The following NR0B2 variants were observed in gnomAD, a reference collection of about 807,000 sequenced individuals.
The protein encoded by NR0B2 is nuclear receptor SHP.
In NR0B2, 17 loss-of-function variants were observed where a neutral mutation model predicts 18.9. The observed-to-expected ratio is 0.90, with a 90% confidence interval of 0.62 to 1.35. The LOEUF is 1.35. Among genes scored for constraint, NR0B2 ranks in the 40% most tolerant of loss-of-function variants. NR0B2 has a pLI of 0.00. For missense variants in NR0B2, 312 were observed against 333.3 expected, an observed-to-expected ratio of 0.94 and a Z score of 0.50; for synonymous variants, 116 against 138.5, an observed-to-expected ratio of 0.84 and a Z score of 1.14.
Position 26,913,590 on chromosome 1 carries a change from T to C in NR0B2, c.351A>G (p.Ile117Met). 1 of 1,614,026 alleles carries C rather than the reference T, an allele frequency of 6.2e-7. No homozygotes were observed. The highest frequency in any genetic ancestry group is 8.5e-7 in the Non-Finnish European group (1 of 1,179,988). ...FEVAEAPVPS[I>M]LKKILLEEPS... ...GCTCCTCCAGCAGAATCTTCTTGAG[T>C]ATGCTGGGCACCGGGGCCTCAGCCA... Residue 117 changes from isoleucine (I) to methionine (M), a missense_variant, in exon 1 of 2, where the codon ATA becomes ATG. By Grantham distance (10) the Ile-to-Met change is conservative. Transcript: ENST00000254227.
Position 26,913,881 on chromosome 1 carries a change from A to G in NR0B2, c.60T>C (p.Ile20=). The change falls in exon 1 of 2, where the codon ATT becomes ATC. Residue 20 remains isoleucine, a synonymous_variant. Transcript: ENST00000254227. ...GGCTGGAGCTCAGAAGTGCGTAGAG[A>G]ATGGCGGGGCGGCTTGCAGCTCCCT... ...PCQGAASRPA[I]LYALLSSSLK... is the part of the protein sequence containing the mutation. The G allele has an allele frequency of 6.7e-7, 1 of 1,489,168 alleles. No individual in the cohort carries two copies. Among genetic ancestry groups the G allele is most frequent in the Non-Finnish European group, 8.9e-7 (1 of 1,117,590 alleles). The allele number at this position is 1,489,168 out of a possible 1,614,324, so 92.2% of individuals were successfully genotyped here. A position where few individuals can be genotyped will look rare whatever the true frequency, so the allele number is the denominator to read the frequency against.
At chr1:26,912,175 G>A (rs1238885567) in intron 1 of NR0B2, 89 bp from the exon 2 acceptor site, 3 of 1,530,222 alleles carry the variant, frequency 2.0e-6, no homozygotes, top group Non-Finnish European at 2.7e-6. Context: ...GGCCATCAGA[G>A]ACACCCCTCT....
rs1440639338 is a variant in NR0B2 at position 26,913,855 on chromosome 1, A to G, written c.86T>C (p.Leu29Pro). 6.6e-7 allele frequency: 1 copy of G among 1,507,604 alleles called. No homozygotes were observed. The allele number at this position is 1,507,604 out of a possible 1,614,324, so 93.4% of individuals were successfully genotyped here. Reference sequence around the variant, plus strand: ...GCTACGGGGTCGGGGGACAGCCTTGAGGCTGGAGCTCAGAAGTGCGTAGAG... The same window carrying G: ...GCTACGGGGTCGGGGGACAGCCTTGGGGCTGGAGCTCAGAAGTGCGTAGAG... ...AILYALLSSS[L>P]KAVPRPRSRC... Residue 29 changes from leucine to proline, a missense_variant, in exon 1 of 2, where the codon CTC (leucine) becomes CCC (proline). Coordinates refer to ENST00000254227, the MANE Select transcript of NR0B2 (RefSeq NM_021969.3).
rs919674908 is a variant in NR0B2 at position 26,911,501 on chromosome 1, T to A, written c.*344A>T. The A allele has an allele frequency of 5.7e-6, 2 of 353,600 alleles. No individual in the cohort carries two copies. The highest frequency in any genetic ancestry group is 1.1e-5 in the Non-Finnish European group (2 of 181,686). 21.9% of individuals were successfully genotyped at this position (353,600 alleles called of 1,614,324 possible). ...TATCAGGCTCCAAGTGTTTCATACCTTTTATTACAAAAATCAATAACTTAA... is the reference window on the plus strand; with the variant it reads ...TATCAGGCTCCAAGTGTTTCATACCATTTATTACAAAAATCAATAACTTAA... On this transcript the variant is annotated 3_prime_UTR_variant, in exon 2 of 2. Transcript: ENST00000254227.
At position 26,912,102 on chromosome 1, in the gene NR0B2, G is replaced by C. The variant is rs548748734; in HGVS notation, c.533-16C>G. The C allele has an allele frequency of 7.4e-6, 12 of 1,612,670 alleles. No homozygotes were observed. The highest frequency in any genetic ancestry group is 1.0e-5 in the Non-Finnish European group (12 of 1,179,976). On this transcript the variant is annotated splice_polypyrimidine_tract_variant and intron_variant, in intron 1 of 1. Coordinates refer to ENST00000254227, the MANE Select transcript of NR0B2 (RefSeq NM_021969.3). ...CCTGGCACATCTGTGGGCAGAGAGG[G>C]AGAAGAGGGCTGGTGAGCACCCTAC...
intron 1 of NR0B2, 25 bp from the exon 2 acceptor site, chr1:26,912,111 GCT>G (rs763281623): frequency 1.2e-6 from 2 of 1,612,126 alleles, no homozygotes; most frequent in Non-Finnish European, 1.7e-6. Flanking sequence ...GGAGAAGAGG[GCT>G]GGTGAGCACC....
intron 1 of NR0B2, 32 bp downstream of exon 1, chr1:26,913,377 T>C (rs1332833083): frequency 6.2e-7 from 1 of 1,610,840 alleles, no homozygotes; most frequent in Non-Finnish European, 8.5e-7. Context: ...GCTTCAGCCT[T>C]GCCCCCCACC....
intron 1 of NR0B2, 114 bp from the exon 2 acceptor site, chr1:26,912,200 G>T (rs1166444070): frequency 5.5e-6 from 7 of 1,278,964 alleles, no homozygotes; most frequent in Non-Finnish European, 7.6e-6. Flanking sequence ...CCTTTGCTCG[G>T]CCTTTGAGGT....
In NR0B2 at chr1:26,911,803, G is replaced by C; in HGVS notation, c.*42C>G. On this transcript the variant is annotated 3_prime_UTR_variant, in exon 2 of 2. Coordinates refer to ENST00000254227, the MANE Select transcript of NR0B2 (RefSeq NM_021969.3). ...GGGATGGCCAGGCTGAATCAGCACT[G>C]CCAGCCTCTGCCCACCTGATCTCTG... 6.2e-7 allele frequency: 1 copy of C among 1,613,310 alleles called. No individual in the cohort carries two copies. The highest frequency in any genetic ancestry group is 1.1e-5 in the South Asian group (1 of 90,852).
intron 1 of NR0B2, among the ~76,000 whole-genome samples, chr1:26,912,576 G>T (rs1231780843): frequency 6.6e-6 from 1 of 152,102 alleles, no homozygotes; most frequent in African/African-American, 2.4e-5. Flanking sequence ...CGTGCCACAA[G>T]GGACTCCTGG....
intron 1 of NR0B2, 87 bp downstream of exon 1, chr1:26,913,322 A>T: frequency 8.5e-7 from 1 of 1,173,908 alleles, no homozygotes; most frequent in Non-Finnish European, 1.3e-6. Context: ...CCAATGAGAT[A>T]ACAGATATCA....
chr1:26,913,661 G>A lies in NR0B2; in HGVS notation c.280C>T (p.Pro94Ser), dbSNP rs1376885328. The change falls in exon 1 of 2, where the codon CCC becomes TCC. Residue 94 changes from proline (P) to serine (S), a missense_variant. Pro to Ser is a moderately conservative substitution (Grantham distance 74). Transcript: ENST00000254227. ...TGGGCCAACCCAAGCAGGAAGAGGGGGCCCCAGCAACCCTGCAGCAGCCGC... is the reference window on the plus strand; with the variant it reads ...TGGGCCAACCCAAGCAGGAAGAGGGAGCCCCAGCAACCCTGCAGCAGCCGC... ...QRRLLQGCWG[P>S]LFLLGLAQDA... is the part of the protein sequence containing the mutation. 1.2e-6 allele frequency: 2 copies of A among 1,613,764 alleles called. No individual in the cohort carries two copies. Among genetic ancestry groups the A allele is most frequent in the Non-Finnish European group, 1.7e-6 (2 of 1,179,906 alleles).
chr1:26,913,710 C>T lies in NR0B2; in HGVS notation c.231G>A (p.Trp77Ter). The T allele has an allele frequency of 6.2e-7, 1 of 1,609,258 alleles. No individual in the cohort carries two copies. The highest frequency in any genetic ancestry group is 8.5e-7 in the Non-Finnish European group (1 of 1,176,644). The change falls in exon 1 of 2, where the codon TGG becomes TGA. Residue 77 changes from tryptophan (W) to a stop codon, truncating the protein, a stop_gained. Coordinates refer to ENST00000254227, the MANE Select transcript of NR0B2 (RefSeq NM_021969.3). LOFTEE classifies it high-confidence loss of function. Reference sequence around the variant, plus strand: ...GCCGCTGGTCCTGGGGAGGCAGCTGCCAGAAGGATGGCAGGTTCCTGAGGA... The same window carrying T: ...GCCGCTGGTCCTGGGGAGGCAGCTGTCAGAAGGATGGCAGGTTCCTGAGGA... ...VAFLRNLPSF[W>*]QLPPQDQRRL...
At position 26,911,560 on chromosome 1, in the gene NR0B2, T is replaced by A. The variant is rs1415938678; in HGVS notation, c.*285A>T. The A allele has an allele frequency of 1.9e-5, 9 of 465,278 alleles. No individual in the cohort carries two copies. The highest frequency in any genetic ancestry group is 3.6e-5 in the Non-Finnish European group (9 of 251,534). 28.8% of individuals were successfully genotyped at this position (465,278 alleles called of 1,614,324 possible). A position where few individuals can be genotyped will look rare whatever the true frequency, so the allele number is the denominator to read the frequency against. The stretch of plus-strand genomic sequence containing the variant: ...TGTATAAAGTCGATAGGACTTCTGG[T>A]CCAATAAGCAGCCTAAGCTTTCATT... On this transcript the variant is annotated 3_prime_UTR_variant, in exon 2 of 2. Transcript: ENST00000254227.
At chr1:26,913,016 C>G (rs567299029) in intron 1 of NR0B2, among the ~76,000 whole-genome samples, 1 of 152,320 alleles carries the variant, frequency 6.6e-6, no homozygotes, top group South Asian at 2.1e-4. Flanking sequence ...AGCACGGTGG[C>G]TCACGCCTGT....
intron 1 of NR0B2, 132 bp from the exon 2 acceptor site, chr1:26,912,218 C>G: frequency 2.1e-6 from 2 of 933,526 alleles, no homozygotes; most frequent in Non-Finnish European, 3.2e-6. Flanking sequence ...GGTCCCACTA[C>G]TACCTCCTCC....
Position 26,911,645 on chromosome 1 carries a change from C to T in NR0B2, c.*200G>A, listed in dbSNP as rs2082027051. The T allele has an allele frequency of 3.1e-6, 2 of 637,056 alleles. No homozygotes were observed. Among genetic ancestry groups the T allele is most frequent in the Non-Finnish European group, 2.8e-6 (1 of 357,370 alleles). The allele number at this position is 637,056 out of a possible 1,614,324, so 39.5% of individuals were successfully genotyped here. A position where few individuals can be genotyped will look rare whatever the true frequency, so the allele number is the denominator to read the frequency against. On this transcript the variant is annotated 3_prime_UTR_variant, in exon 2 of 2. Coordinates refer to ENST00000254227, the MANE Select transcript of NR0B2 (RefSeq NM_021969.3). ...AGGCTGTGGGGACCACCAAAAGCCTCCCAGGCAGCTGGAACACTGTGTCCA... is the reference window on the plus strand; with the variant it reads ...AGGCTGTGGGGACCACCAAAAGCCTTCCAGGCAGCTGGAACACTGTGTCCA...
Position 26,912,106 on chromosome 1 carries a change from A to T in NR0B2, c.533-20T>A, listed in dbSNP as rs757000078. ...GCACATCTGTGGGCAGAGAGGGAGAAGAGGGCTGGTGAGCACCCTACTCCC... is the reference window on the plus strand; with the variant it reads ...GCACATCTGTGGGCAGAGAGGGAGATGAGGGCTGGTGAGCACCCTACTCCC... On this transcript the variant is annotated intron_variant, in intron 1 of 1. Transcript: ENST00000254227. 1 of 1,612,578 alleles carries T rather than the reference A, an allele frequency of 6.2e-7. No homozygotes were observed. The highest frequency in any genetic ancestry group is 8.5e-7 in the Non-Finnish European group (1 of 1,179,936).
chr1:26,912,417 A>G (rs1031884731), intron 1 of NR0B2, among the ~76,000 whole-genome samples: 6 of 152,156 alleles, frequency 3.9e-5, no homozygotes, highest in Admixed American at 6.5e-5. Flanking sequence ...GTAAAACGGG[A>G]ATAATAATAT....
Sources: gnomAD v4.1 joint callset for allele counts (sites outside exome capture counted in the v4.1 genomes callset) on GRCh38, gnomAD v4.1.1 for gene constraint, MANE v1.5 for transcripts, NCBI Gene and HGNC (gene_info 2026-07-23, HGNC 2026-07-21) for gene names.